DNAH3: variants seen among roughly 807,000 people sequenced by gnomAD.
DNAH3 encodes the protein axonemal beta dynein heavy chain 3.
A neutral mutation model predicts 432.5 loss-of-function variants in DNAH3; 332 were observed. The ratio of observed to expected loss-of-function variants is 0.77; its 90% CI spans 0.70 to 0.84. DNAH3 has a LOEUF of 0.84. Among genes scored for constraint, DNAH3 ranks in the 40% least tolerant of loss-of-function variants. The probability of loss-of-function intolerance (pLI) is 0.00; values close to 1 mark genes in which losing one functional copy is unlikely to be tolerated. For missense variants in DNAH3, 4,861 were observed against 5,114.0 expected, an observed-to-expected ratio of 0.95 and a Z score of 1.51; for synonymous variants, 1,956 against 1,900.2, an observed-to-expected ratio of 1.03 and a Z score of -0.76.
At position 21,141,616 on chromosome 16, in the gene DNAH3, G is replaced by A. The variant is rs150116793; in HGVS notation, c.449-244C>T. ...CCTCAACTGTAAAGTGGGGATGTGC[G>A]TATCTTCCATTCGTTCATACATTTG... On this transcript the variant is annotated intron_variant, in intron 3 of 61. Coordinates refer to ENST00000261383, the Ensembl canonical transcript of DNAH3. Among the ~76,000 whole-genome samples the A allele has an allele frequency of 5.3e-3, 805 of 152,316 alleles. 5 individuals are homozygous for A. The highest frequency in any genetic ancestry group is 0.018 in the African/African-American group (755 of 41,562).
rs1193099284 is a variant in DNAH3, at chr16:20,989,881, C to CG, written c.6602-1817dup. Among the ~76,000 whole-genome samples, 12 of 152,362 alleles carry CG rather than the reference C, an allele frequency of 7.9e-5. No homozygotes were observed. The South Asian group carries it at 2.1e-3, about 26-fold the overall frequency. The stretch of plus-strand genomic sequence containing the variant: ...CAGTACACCCTCCGCAGCCGCTGGC[C>CG]GGGTGCTAAGTCCCTCATTGCCCGG... On this transcript the variant is annotated intron_variant, in intron 44 of 61. Transcript: ENST00000261383.
At chr16:20,941,150 T>C (rs891182324) in intron 59 of DNAH3, among the ~76,000 whole-genome samples, 21 of 152,048 alleles carry the variant, frequency 1.4e-4, no homozygotes, top group African/African-American at 4.4e-4. Context: ...TATTAGCCTG[T>C]GCTTGATACT....
Position 21,040,358 on chromosome 16 carries a change from A to ATCTT in DNAH3, c.4639-416_4639-415insAAGA, listed in dbSNP as rs771791969. Among the ~76,000 whole-genome samples the ATCTT allele has an allele frequency of 4.3e-4, 34 of 79,740 alleles. 4 individuals carry two copies. The highest frequency in any genetic ancestry group is 1.8e-3 in the African/African-American group (32 of 17,758). The allele number at this position is 79,740 out of a possible 152,430, so 52.3% of individuals were successfully genotyped here. ...TCAGAAGAATCCCAAAGCCAGACAGATTTTTTTTTTTTTTTTTTTTTTTTT... is the reference window on the plus strand; with the variant it reads ...TCAGAAGAATCCCAAAGCCAGACAGATCTTTTTTTTTTTTTTTTTTTTTTTTTTT... On this transcript the variant is annotated intron_variant, in intron 32 of 61. Transcript: ENST00000261383.
At position 21,134,050 on chromosome 16, in the gene DNAH3, C is replaced by G. The variant is rs375278670; in HGVS notation, c.1082+209G>C. The G allele has an allele frequency of 2.9e-4, 147 of 502,474 alleles. 2 individuals are homozygous for G. Among genetic ancestry groups the G allele is most frequent in the East Asian group, 1.9e-3 (56 of 28,810 alleles). 31.1% of individuals were successfully genotyped at this position (502,474 alleles called of 1,614,324 possible). A position where few individuals can be genotyped will look rare whatever the true frequency, so the allele number is the denominator to read the frequency against. ...ATATTCCAGTGCTTAGAGACAGGCA[C>G]AGGGTGCCCTGGGGACACAAAGGAG... On this transcript the variant is annotated intron_variant, in intron 7 of 61. Transcript: ENST00000261383.
At chr16:21,075,691 T>C in intron 20 of DNAH3, 130 bp from the exon 21 acceptor site, 4 of 717,952 alleles carry the variant, frequency 5.6e-6, no homozygotes, top group Middle Eastern at 2.6e-4. Flanking sequence ...GGAGGGAAGA[T>C]TGCTTGAGGT....
chr16:21,121,158 C>T, intron 10 of DNAH3: 3 of 480,488 alleles, frequency 6.2e-6, no homozygotes, highest in South Asian at 5.4e-5. Flanking sequence ...CCCCACAGAT[C>T]CCTTCCCTAT....
intron 49 of DNAH3, 93 bp downstream of exon 49, chr16:20,982,628 T>C (rs1182315543): frequency 1.9e-6 from 2 of 1,037,864 alleles, no homozygotes; most frequent in African/African-American, 3.2e-5. Flanking sequence ...TATATACAAA[T>C]TGAGAAATCT....
intron 3 of DNAH3, among the ~76,000 whole-genome samples, chr16:21,144,927 G>A (rs1229712003): frequency 6.6e-6 from 1 of 151,934 alleles, no homozygotes; most frequent in African/African-American, 2.4e-5. Flanking sequence ...AGACCAGCCT[G>A]GCCAACATAG....
intron 55 of DNAH3, among the ~76,000 whole-genome samples, chr16:20,953,133 G>A (rs950716497): frequency 2.6e-5 from 4 of 151,620 alleles, no homozygotes; most frequent in African/African-American, 9.7e-5. Context: ...TGTTTGTTTT[G>A]CTTTTGTTTG....
chr16:20,990,616 A>G (rs2086506434), intron 44 of DNAH3, among the ~76,000 whole-genome samples: 2 of 133,198 alleles, frequency 1.5e-5, no homozygotes, highest in Non-Finnish European at 3.1e-5. Context: ...ATATCTTTAA[A>G]ACATTTTTTT....
chr16:21,067,800 A>AGAGAGG (rs1567732859), intron 23 of DNAH3, among the ~76,000 whole-genome samples: 1 of 133,968 alleles, frequency 7.5e-6, no homozygotes, highest in Non-Finnish European at 1.6e-5. Context: ...AGAGAGAGAG[A>AGAGAGG]GACTGACTAA....
rs773888987 is a variant in DNAH3, at chr16:20,954,924, C to G, written c.10960G>C (p.Asp3654His). Reference sequence around the variant, plus strand: ...GCACAGCTTTGGAAGAACACAGGATCTGAGATGGGGTCATTGAGGTAGGAG... The same window carrying G: ...GCACAGCTTTGGAAGAACACAGGATGTGAGATGGGGTCATTGAGGTAGGAG... The change falls in exon 55 of 62, where the codon GAT (aspartate) becomes CAT (histidine). Residue 3654 changes from aspartate to histidine, a missense_variant. Transcript: ENST00000261383. The G allele has an allele frequency of 1.8e-5, 29 of 1,614,072 alleles. No individual in the cohort carries two copies. Among genetic ancestry groups the G allele is most frequent in the Non-Finnish European group, 2.5e-5 (29 of 1,180,036 alleles).
Position 21,127,677 on chromosome 16 carries a change from A to C in DNAH3, c.1208+10T>G. On this transcript the variant is annotated intron_variant, in intron 8 of 61. Transcript: ENST00000261383. The stretch of plus-strand genomic sequence containing the variant: ...CATGGTGCAGCCCCACTTGGAGGGC[A>C]GATACTGACTTGTTGAGAAGAGTCT... 6.2e-7 allele frequency: 1 copy of C among 1,613,832 alleles called. No individual in the cohort carries two copies. The highest frequency in any genetic ancestry group is 1.7e-4 in the Middle Eastern group (1 of 6,026).
intron 55 of DNAH3, among the ~76,000 whole-genome samples, chr16:20,953,157 TTTG>T (rs1181823097): frequency 1.3e-5 from 2 of 150,718 alleles, no homozygotes; most frequent in South Asian, 2.1e-4. Context: ...TGTTTTTTTG[TTTG>T]TTGTTTTTTT....
At chr16:20,954,882 G>T (rs1212094414) in exon 55 of DNAH3, 1 of 1,614,126 alleles carries the variant, frequency 6.2e-7, no homozygotes, top group East Asian at 2.2e-5. Context: ...AACATCTTTT[G>T]CCACATCACC....
intron 35 of DNAH3, among the ~76,000 whole-genome samples, 177 bp from the exon 36 acceptor site, chr16:21,034,262 A>T (rs957365428): frequency 1.3e-5 from 2 of 152,152 alleles, no homozygotes; most frequent in African/African-American, 4.8e-5. Context: ...CAGACGAAAA[A>T]ATATATGTGT....
At chr16:21,145,334 C>T (rs1232834621) in exon 3 of DNAH3, 1 of 1,614,114 alleles carries the variant, frequency 6.2e-7, no homozygotes, top group Non-Finnish European at 8.5e-7. Context: ...TGATGCTGTT[C>T]TTTGAAGGGT....
intron 56 of DNAH3, among the ~76,000 whole-genome samples, chr16:20,949,308 C>T (rs1375795125): frequency 1.5e-5 from 2 of 134,200 alleles, no homozygotes; most frequent in African/African-American, 2.8e-5. Context: ...GCCTGGGCAA[C>T]AAGAGCGAAA....
exon 29 of DNAH3, chr16:21,051,848 A>T: frequency 6.2e-7 from 1 of 1,614,176 alleles, no homozygotes. Flanking sequence ...TCCTCAGATA[A>T]CTTGGCCACC....
Sources: allele counts gnomAD v4.1 joint callset (sites outside exome capture counted in the v4.1 genomes callset), GRCh38; gene constraint gnomAD v4.1.1; transcripts MANE v1.5; gene names NCBI Gene and HGNC (gene_info 2026-07-23, HGNC 2026-07-21).